Variants in VDAC1 observed in about 807,000 individuals in gnomAD.
VDAC1 encodes the protein non-selective voltage-gated ion channel VDAC1.
Under a neutral mutation model 34.7 loss-of-function variants are expected in VDAC1, and 10 were observed. That is an observed-to-expected ratio of 0.29 (90% confidence interval 0.18 to 0.49). The LOEUF is 0.49. Among genes scored for constraint, VDAC1 ranks in the 20% least tolerant of loss-of-function variants. The pLI is 0.99. For synonymous variants in VDAC1, 130 were observed against 136.0 expected, an observed-to-expected ratio of 0.96 and a Z score of 0.30; for missense variants, 230 against 347.9, an observed-to-expected ratio of 0.66 and a Z score of 2.69.
At chr5:134,113,927 G>A in the VDAC1 span, among the ~76,000 whole-genome samples, 1 of 152,306 alleles carries the variant, frequency 6.6e-6, no homozygotes. Context: ...CCAAAGTTCC[G>A]AGTCTCCGGG....
At chr5:134,067,256 G>A in the VDAC1 span, among the ~76,000 whole-genome samples, 3 of 151,530 alleles carry the variant, frequency 2.0e-5, no homozygotes, top group Non-Finnish European at 4.4e-5. Flanking sequence ...TGTATTTTTA[G>A]TAGAGACAGG....
chr5:134,020,428 C>T, the VDAC1 span, among the ~76,000 whole-genome samples: 16 of 152,014 alleles, frequency 1.1e-4, no homozygotes, highest in African/African-American at 3.9e-4. Context: ...TCACCACAGC[C>T]AAGGACCCCA....
chr5:134,057,691 A>G, the VDAC1 span, among the ~76,000 whole-genome samples: 1 of 118,432 alleles, frequency 8.4e-6, no homozygotes, highest in Non-Finnish European at 1.9e-5. Flanking sequence ...CTCCATCTGA[A>G]AAAAAAAAAA....
At chr5:133,992,784 A>G (rs1249322166) in intron 2 of VDAC1, among the ~76,000 whole-genome samples, 162 bp downstream of exon 2, 6 of 152,242 alleles carry the variant, frequency 3.9e-5, no homozygotes, top group Non-Finnish European at 7.3e-5. Flanking sequence ...GTGCACAACC[A>G]AAGTTGCTAC....
At chr5:134,045,824 A>G in the VDAC1 span, among the ~76,000 whole-genome samples, 1 of 151,716 alleles carries the variant, frequency 6.6e-6, no homozygotes, top group Non-Finnish European at 1.5e-5. Context: ...AGCTGGGATT[A>G]CAGAGGCACA....
At chr5:134,054,043 T>G in the VDAC1 span, among the ~76,000 whole-genome samples, 1 of 152,246 alleles carries the variant, frequency 6.6e-6, no homozygotes, top group Non-Finnish European at 1.5e-5. Context: ...ATTAAGGATT[T>G]AATAACCATT....
At chr5:134,004,066 G>A (rs1753663163) in intron 1 of VDAC1, among the ~76,000 whole-genome samples, 1 of 152,234 alleles carries the variant, frequency 6.6e-6, no homozygotes, top group South Asian at 2.1e-4. Flanking sequence ...CTCGGCCGGC[G>A]CGTTCCGCTC....
At chr5:134,088,015 C>T in the VDAC1 span, among the ~76,000 whole-genome samples, 1 of 138,982 alleles carries the variant, frequency 7.2e-6, no homozygotes, top group Non-Finnish European at 1.6e-5. Context: ...ATTAGCCGGG[C>T]GTTGTAGCGC....
chr5:134,006,588 C>G (rs1393903645), upstream of VDAC1, among the ~76,000 whole-genome samples: 8 of 151,852 alleles, frequency 5.3e-5, no homozygotes, highest in Non-Finnish European at 8.8e-5. Flanking sequence ...ACTAAAAATA[C>G]AAAAACTAGA....
At chr5:134,064,593 TG>T in the VDAC1 span, among the ~76,000 whole-genome samples, 1 of 151,986 alleles carries the variant, frequency 6.6e-6, no homozygotes, top group Admixed American at 6.6e-5. Flanking sequence ...TGTGAGCCGC[TG>T]GGCCTGGTCT....
At chr5:134,053,871 T>C in the VDAC1 span, among the ~76,000 whole-genome samples, 1 of 152,172 alleles carries the variant, frequency 6.6e-6, no homozygotes, top group Non-Finnish European at 1.5e-5. Context: ...AGAGCTGGCA[T>C]TTACTCCTAC....
At chr5:133,978,321 G>C (rs952190963) in intron 6 of VDAC1, among the ~76,000 whole-genome samples, 1 of 151,716 alleles carries the variant, frequency 6.6e-6, no homozygotes, top group Non-Finnish European at 1.5e-5. Context: ...AAATTTCTTA[G>C]AGACAGAGTA....
At chr5:134,032,250 A>T in the VDAC1 span, among the ~76,000 whole-genome samples, 44 of 152,220 alleles carry the variant, frequency 2.9e-4, no homozygotes, top group African/African-American at 9.9e-4. Context: ...TCTCTCCTAG[A>T]GGCTCAGACA....
chr5:134,053,437 C>T, the VDAC1 span, among the ~76,000 whole-genome samples: 8 of 152,208 alleles, frequency 5.3e-5, no homozygotes, highest in Non-Finnish European at 7.3e-5. Flanking sequence ...TTGCCCAACC[C>T]TCCATCATTG....
At chr5:133,990,238 G>A (rs1197465079) in intron 5 of VDAC1, among the ~76,000 whole-genome samples, 1 of 152,202 alleles carries the variant, frequency 6.6e-6, no homozygotes, top group Non-Finnish European at 1.5e-5. Flanking sequence ...CCACCTTGCA[G>A]TTACACCCAC....
the VDAC1 span, among the ~76,000 whole-genome samples, chr5:134,088,479 A>G: frequency 3.3e-5 from 5 of 152,214 alleles, no homozygotes; most frequent in African/African-American, 1.2e-4. Flanking sequence ...GGCATGGAGG[A>G]GGCAAGGGAG....
At chr5:134,096,415 G>A in the VDAC1 span, among the ~76,000 whole-genome samples, 1 of 152,322 alleles carries the variant, frequency 6.6e-6, no homozygotes, top group Non-Finnish European at 1.5e-5. Flanking sequence ...AGCCCCGGCT[G>A]CAGGATTTAG....
the VDAC1 span, among the ~76,000 whole-genome samples, chr5:134,058,957 C>A: frequency 6.6e-6 from 1 of 152,242 alleles, no homozygotes; most frequent in African/African-American, 2.4e-5. Flanking sequence ...TTTACAATAA[C>A]CGCCTCCTCA....
chr5:134,027,229 C>T, the VDAC1 span, among the ~76,000 whole-genome samples: 6 of 152,182 alleles, frequency 3.9e-5, no homozygotes, highest in Non-Finnish European at 8.8e-5. Context: ...AGTGCTGAGA[C>T]GTCCCTGGAT....
Sources: gnomAD v4.1 joint callset for allele counts (sites outside exome capture counted in the v4.1 genomes callset) on GRCh38, gnomAD v4.1.1 for gene constraint, MANE v1.5 for transcripts, NCBI Gene and HGNC (gene_info 2026-07-23, HGNC 2026-07-21) for gene names.